PCSK2: variants seen among roughly 807,000 people sequenced by gnomAD.
PCSK2 encodes the protein neuroendocrine convertase 2.
Under a neutral mutation model 69.7 loss-of-function variants are expected in PCSK2, and 14 were observed. That is an observed-to-expected ratio of 0.20 (90% CI 0.13 to 0.31). The LOEUF (loss-of-function observed/expected upper bound fraction) is 0.31. PCSK2 is among the 10% of genes least tolerant of loss of function. The pLI, the probability that PCSK2 is intolerant of heterozygous loss-of-function variation, is 1.00. For missense variants in PCSK2, 544 were observed against 842.5 expected (o/e 0.65, Z 4.39); for synonymous variants, 307 against 320.7 (o/e 0.96, Z 0.46).
intron 5 of PCSK2, among the ~76,000 whole-genome samples, chr20:17,408,743 C>T (rs995421193): frequency 5.3e-5 from 8 of 152,112 alleles, no homozygotes; most frequent in East Asian, 3.9e-4. Flanking sequence ...TTGTGGACAA[C>T]GTCAGGGCCT....
At chr20:17,335,671 A>G (rs184686067) in intron 2 of PCSK2, among the ~76,000 whole-genome samples, 4 of 149,604 alleles carry the variant, frequency 2.7e-5, no homozygotes, top group Non-Finnish European at 1.5e-5. Context: ...TAAGTCCCCC[A>G]AAGTCCATTG....
At chr20:17,476,832 A>T (rs1366534763) in intron 11 of PCSK2, among the ~76,000 whole-genome samples, 1 of 152,164 alleles carries the variant, frequency 6.6e-6, no homozygotes, top group African/African-American at 2.4e-5. Flanking sequence ...TCTTTGAGAA[A>T]TCCAGGTTAT....
chr20:17,322,318 T>A (rs972195064), intron 2 of PCSK2, among the ~76,000 whole-genome samples: 1 of 152,048 alleles, frequency 6.6e-6, no homozygotes, highest in Non-Finnish European at 1.5e-5. Flanking sequence ...TTGAAAGGAG[T>A]ATTGATGAGT....
intron 2 of PCSK2, among the ~76,000 whole-genome samples, chr20:17,354,358 G>A (rs960157474): frequency 9.9e-5 from 15 of 152,104 alleles, no homozygotes; most frequent in African/African-American, 2.7e-4. Context: ...CATGTTATTC[G>A]TATCACATCT....
chr20:17,386,160 T>C (rs190088765), intron 5 of PCSK2, among the ~76,000 whole-genome samples: 26 of 152,316 alleles, frequency 1.7e-4, no homozygotes, highest in Admixed American at 1.1e-3. Flanking sequence ...CTAATACATG[T>C]ATAGCTATTT....
At chr20:17,406,807 G>A (rs1909968745) in intron 5 of PCSK2, among the ~76,000 whole-genome samples, 1 of 152,206 alleles carries the variant, frequency 6.6e-6, no homozygotes, top group African/African-American at 2.4e-5. Flanking sequence ...CAGCCTGGTA[G>A]AAACATGGTC....
chr20:17,271,131 T>C (rs1198147886), intron 2 of PCSK2, among the ~76,000 whole-genome samples: 1 of 152,150 alleles, frequency 6.6e-6, no homozygotes, highest in Non-Finnish European at 1.5e-5. Flanking sequence ...TTTAAACCAA[T>C]GCTATAAAGT....
intron 6 of PCSK2, among the ~76,000 whole-genome samples, chr20:17,415,922 G>A (rs930890096): frequency 2.0e-5 from 3 of 152,070 alleles, no homozygotes; most frequent in Non-Finnish European, 4.4e-5. Flanking sequence ...CAATAAATGG[G>A]GAAAGGATTC....
chr20:17,447,735 T>C (rs1237358315), intron 8 of PCSK2, among the ~76,000 whole-genome samples: 1 of 152,180 alleles, frequency 6.6e-6, no homozygotes, highest in Non-Finnish European at 1.5e-5. Flanking sequence ...CAGCATTCCA[T>C]GTACATTCAA....
intron 2 of PCSK2, among the ~76,000 whole-genome samples, chr20:17,312,704 G>A (rs1329169370): frequency 6.6e-6 from 1 of 151,936 alleles, no homozygotes; most frequent in African/African-American, 2.4e-5. Flanking sequence ...TTCTCTTCTA[G>A]ACTATGAGAA....
At chr20:17,282,784 T>C (rs773242862) in intron 2 of PCSK2, among the ~76,000 whole-genome samples, 32 of 152,164 alleles carry the variant, frequency 2.1e-4, no homozygotes, top group Non-Finnish European at 4.0e-4. Context: ...GCCAGGCTTT[T>C]CTCTTTGTAA....
chr20:17,345,794 T>C (rs1990635458), intron 2 of PCSK2, among the ~76,000 whole-genome samples: 1 of 152,138 alleles, frequency 6.6e-6, no homozygotes, highest in African/African-American at 2.4e-5. Context: ...GTCATGACTT[T>C]GGATCAAATC....
intron 2 of PCSK2, among the ~76,000 whole-genome samples, chr20:17,300,411 C>T (rs1047516784): frequency 6.6e-6 from 1 of 152,200 alleles, no homozygotes; most frequent in African/African-American, 2.4e-5. Flanking sequence ...GAGGTCCTTG[C>T]CCATTCCCCA....
At chr20:17,450,905 C>A (rs986417130) in intron 8 of PCSK2, among the ~76,000 whole-genome samples, 3 of 152,006 alleles carry the variant, frequency 2.0e-5, no homozygotes, top group African/African-American at 7.3e-5. Context: ...AAGTTCAAAC[C>A]AAAGTAGGGT....
chr20:17,319,508 C>T (rs949043901), intron 2 of PCSK2, among the ~76,000 whole-genome samples: 3 of 152,204 alleles, frequency 2.0e-5, no homozygotes, highest in Non-Finnish European at 4.4e-5. Context: ...AGATTGTTCA[C>T]ATGCTGGTGG....
intron 2 of PCSK2, among the ~76,000 whole-genome samples, chr20:17,313,907 G>T (rs1989595748): frequency 6.6e-6 from 1 of 152,144 alleles, no homozygotes; most frequent in Admixed American, 6.5e-5. Context: ...GATTGTAAAT[G>T]AATAGCTCAT....
At chr20:17,319,112 A>G (rs1428333390) in intron 2 of PCSK2, among the ~76,000 whole-genome samples, 1 of 152,216 alleles carries the variant, frequency 6.6e-6, no homozygotes, top group African/African-American at 2.4e-5. Context: ...CTAATTTCTG[A>G]TTATTAAAAT....
intron 5 of PCSK2, among the ~76,000 whole-genome samples, chr20:17,395,253 G>T (rs2031484923): frequency 6.6e-6 from 1 of 152,116 alleles, no homozygotes; most frequent in Non-Finnish European, 1.5e-5. Flanking sequence ...AAATTTCGGG[G>T]GTTGGTTTAT....
chr20:17,400,141 G>A (rs1260562375), intron 5 of PCSK2, among the ~76,000 whole-genome samples: 1 of 152,128 alleles, frequency 6.6e-6, no homozygotes, highest in African/African-American at 2.4e-5. Flanking sequence ...CTCTGTGGGA[G>A]GTTAAATTAT....
Sources: gnomAD v4.1 joint callset for allele counts (sites outside exome capture counted in the v4.1 genomes callset) on GRCh38, gnomAD v4.1.1 for gene constraint, MANE v1.5 for transcripts, NCBI Gene and HGNC (gene_info 2026-07-23, HGNC 2026-07-21) for gene names.